Variants in CAB39 observed in about 807,000 individuals in gnomAD.
The protein encoded by CAB39 is calcium-binding protein 39.
Under a neutral mutation model 40.0 loss-of-function variants are expected in CAB39, and 8 were observed. The observed-to-expected ratio is 0.20, with a 90% CI of 0.12 to 0.36. The LOEUF is 0.36. CAB39 is among the 10% of genes least tolerant of loss of function. The pLI is 1.00. For missense variants in CAB39, 270 were observed against 401.1 expected, an observed-to-expected ratio of 0.67 and a Z score of 2.79; for synonymous variants, 156 against 141.6, an observed-to-expected ratio of 1.10 and a Z score of -0.72.
At position 230,712,917 on chromosome 2, in the gene CAB39, A is replaced by G. The variant is rs1694271927; in HGVS notation, c.-357A>G. 6.6e-6 allele frequency: 1 copy of G among 151,828 alleles called. No homozygotes were observed. Among genetic ancestry groups the G allele is most frequent in the East Asian group, 1.9e-4 (1 of 5,168 alleles). 9.4% of individuals were successfully genotyped at this position (151,828 alleles called of 1,614,324 possible). On this transcript the variant is annotated 5_prime_UTR_variant, in exon 1 of 9. Transcript: ENST00000258418. ...CGGGGAGCGGCGCGGCCTGGGAGAC[A>G]CAGAGCCTTCAGGCGCCGGGGCGGG...
At chr2:230,787,866 G>C (rs1203555527) in intron 2 of CAB39, among the ~76,000 whole-genome samples, 1 of 152,186 alleles carries the variant, frequency 6.6e-6, no homozygotes, top group Non-Finnish European at 1.5e-5. Context: ...AATATTGCCT[G>C]ATCTGCAGTA....
intron 2 of CAB39, among the ~76,000 whole-genome samples, chr2:230,762,527 C>T (rs930303137): frequency 7.9e-5 from 12 of 152,186 alleles, no homozygotes; most frequent in Admixed American, 3.3e-4. Context: ...CCTCTAGAGG[C>T]AGTCGGGAGA....
intron 2 of CAB39, among the ~76,000 whole-genome samples, chr2:230,766,309 G>A (rs555392505): frequency 3.3e-5 from 5 of 152,290 alleles, no homozygotes; most frequent in African/African-American, 1.2e-4. Flanking sequence ...GGAAATTATT[G>A]TAGAGGTATT....
intron 1 of CAB39, among the ~76,000 whole-genome samples, chr2:230,731,450 A>T (rs1694687340): frequency 6.6e-6 from 1 of 152,136 alleles, no homozygotes; most frequent in Non-Finnish European, 1.5e-5. Flanking sequence ...TGTTTTATTG[A>T]TTGTGGTGGT....
intron 5 of CAB39, among the ~76,000 whole-genome samples, chr2:230,803,081 C>T (rs896616179): frequency 7.2e-5 from 11 of 152,122 alleles, no homozygotes; most frequent in Non-Finnish European, 1.3e-4. Context: ...TTCATCCCTT[C>T]GATGCAATGC....
chr2:230,748,939 T>C (rs1331077970), intron 1 of CAB39, among the ~76,000 whole-genome samples: 1 of 142,172 alleles, frequency 7.0e-6, no homozygotes, highest in East Asian at 2.1e-4. Context: ...TCCCTTGTCA[T>C]CTATATGGTT....
At chr2:230,754,280 A>C (rs370415016) in intron 1 of CAB39, among the ~76,000 whole-genome samples, 1 of 148,078 alleles carries the variant, frequency 6.8e-6, no homozygotes. Flanking sequence ...TATTTGTAGT[A>C]TTCTTTTTTC....
intron 4 of CAB39, among the ~76,000 whole-genome samples, chr2:230,795,687 A>G (rs1009272020): frequency 3.9e-5 from 6 of 152,144 alleles, no homozygotes; most frequent in Admixed American, 1.3e-4. Context: ...TCCTGGTTTT[A>G]GTTTCCATTG....
chr2:230,811,283 AT>A (rs960935006), intron 6 of CAB39, among the ~76,000 whole-genome samples: 5 of 152,144 alleles, frequency 3.3e-5, no homozygotes, highest in African/African-American at 1.2e-4. Context: ...GCAAAAATCT[AT>A]GCTTGCTTGT....
At chr2:230,791,255 C>T (rs1241174927) in intron 3 of CAB39, among the ~76,000 whole-genome samples, 1 of 152,176 alleles carries the variant, frequency 6.6e-6, no homozygotes, top group Non-Finnish European at 1.5e-5. Flanking sequence ...TGTTTCATCA[C>T]ATTGGACATG....
At chr2:230,800,299 G>A (rs775841912) in intron 5 of CAB39, among the ~76,000 whole-genome samples, 1 of 152,148 alleles carries the variant, frequency 6.6e-6, no homozygotes, top group Non-Finnish European at 1.5e-5. Context: ...TGAGAATCAG[G>A]TCATAAGGCC....
intron 1 of CAB39, among the ~76,000 whole-genome samples, chr2:230,724,636 G>A (rs1287307950): frequency 6.9e-6 from 1 of 144,228 alleles, no homozygotes. Flanking sequence ...AGCCAAGATC[G>A]CGCCATTGCA....
intron 2 of CAB39, among the ~76,000 whole-genome samples, chr2:230,783,679 T>C (rs1384655657): frequency 6.6e-6 from 1 of 151,862 alleles, no homozygotes; most frequent in Non-Finnish European, 1.5e-5. Context: ...TTTGTATTTT[T>C]AGGAGAGATA....
chr2:230,752,938 A>G (rs1695115864), intron 1 of CAB39, among the ~76,000 whole-genome samples: 1 of 152,164 alleles, frequency 6.6e-6, no homozygotes, highest in African/African-American at 2.4e-5. Context: ...GGACATCTAT[A>G]GGGAGCAGCA....
intron 1 of CAB39, among the ~76,000 whole-genome samples, chr2:230,752,615 G>T (rs1695111087): frequency 6.6e-6 from 1 of 152,162 alleles, no homozygotes; most frequent in African/African-American, 2.4e-5. Flanking sequence ...CCCAACACTT[G>T]CATTGGGAAT....
intron 2 of CAB39, among the ~76,000 whole-genome samples, chr2:230,787,767 G>C: frequency 6.6e-6 from 1 of 152,180 alleles, no homozygotes; most frequent in East Asian, 1.9e-4. Context: ...GTTAATCAAA[G>C]AACCTGAGGG....
chr2:230,773,314 A>ATATATATGTG (rs371297550), intron 2 of CAB39, among the ~76,000 whole-genome samples: 27 of 132,680 alleles, frequency 2.0e-4, no homozygotes, highest in Admixed American at 1.1e-3. Context: ...ATATATATAT[A>ATATATATGTG]TGTGTGTGTG....
chr2:230,731,246 G>A (rs950569287), intron 1 of CAB39, among the ~76,000 whole-genome samples: 1 of 152,212 alleles, frequency 6.6e-6, no homozygotes, highest in African/African-American at 2.4e-5. Context: ...AAGTAGTAAT[G>A]CTTAATGCAA....
At chr2:230,715,525 T>C (rs191660709) in intron 1 of CAB39, among the ~76,000 whole-genome samples, 124 of 152,306 alleles carry the variant, frequency 8.1e-4, no homozygotes, top group Admixed American at 1.8e-3. Context: ...CAGACGGCGA[T>C]GCAGTGTCCC....
Sources: allele counts gnomAD v4.1 joint callset (sites outside exome capture counted in the v4.1 genomes callset), GRCh38; gene constraint gnomAD v4.1.1; transcripts MANE v1.5; gene names NCBI Gene and HGNC (gene_info 2026-07-23, HGNC 2026-07-21).